Variants in MRPS28 observed in about 807,000 individuals in gnomAD.
MRPS28 encodes the protein mitochondrial ribosomal protein S28, also known as small ribosomal subunit protein bS1m.
Under a neutral mutation model 10.8 loss-of-function variants are expected in MRPS28, and 7 were observed. The observed-to-expected ratio is 0.65, with a 90% CI of 0.37 to 1.22. MRPS28 has a LOEUF of 1.22. Among genes scored for constraint, MRPS28 ranks in the 50% most tolerant of loss-of-function variants. The pLI is 0.02. For missense variants in MRPS28, 265 were observed against 232.9 expected, an observed-to-expected ratio of 1.14 and a Z score of -0.90; for synonymous variants, 121 against 93.3, an observed-to-expected ratio of 1.30 and a Z score of -1.71.
In MRPS28 at chr8:79,980,401, T is replaced by C. The variant is rs575801022; in HGVS notation, c.395+22598A>G. 1.8e-4 allele frequency among the ~76,000 whole-genome samples: 28 copies of C among 152,352 alleles called. No individual in the cohort carries two copies. In the East Asian group the frequency reaches 4.4e-3, roughly 24 times the overall value. On this transcript the variant is annotated intron_variant, in intron 2 of 2. Transcript: ENST00000276585. ...AACAGCTAATAAATGTTGGCTATAATGATTATGACAACATAGCCAACTATG... is the reference window on the plus strand; with the variant it reads ...AACAGCTAATAAATGTTGGCTATAACGATTATGACAACATAGCCAACTATG...
chr8:80,018,872 C>T (rs6473196), intron 1 of MRPS28, among the ~76,000 whole-genome samples: 116,904 of 152,186 alleles, frequency 0.77, 45,442 homozygotes, highest in African/African-American at 0.88. Flanking sequence ...GAGGTCATTA[C>T]GTTACGTGAA....
At chr8:79,982,593 C>T (rs186632025) in intron 2 of MRPS28, among the ~76,000 whole-genome samples, 2 of 152,290 alleles carry the variant, frequency 1.3e-5, no homozygotes, top group Non-Finnish European at 2.9e-5. Context: ...TCTTAAAAAA[C>T]GGCGCACCAG....
At chr8:79,983,331 G>C (rs911495651) in intron 2 of MRPS28, among the ~76,000 whole-genome samples, 6 of 152,190 alleles carry the variant, frequency 3.9e-5, no homozygotes, top group African/African-American at 1.2e-4. Flanking sequence ...GGAAAAAACA[G>C]AGCAGAAAAA....
chr8:80,026,264 T>C (rs1195368195), intron 1 of MRPS28, among the ~76,000 whole-genome samples: 3 of 152,248 alleles, frequency 2.0e-5, no homozygotes, highest in Admixed American at 2.0e-4. Context: ...CAACTCCTCA[T>C]ATTCCTTACC....
At chr8:79,993,333 A>G (rs143433978) in intron 2 of MRPS28, among the ~76,000 whole-genome samples, 89 of 152,316 alleles carry the variant, frequency 5.8e-4, no homozygotes, top group Non-Finnish European at 1.0e-3. Flanking sequence ...CTTCCTAGAG[A>G]TGTAAATTTA....
intron 2 of MRPS28, among the ~76,000 whole-genome samples, chr8:79,930,221 T>A (rs538356952): frequency 6.6e-6 from 1 of 152,354 alleles, no homozygotes; most frequent in South Asian, 2.1e-4. Context: ...GAGGATCACT[T>A]AATTAACTAG....
chr8:79,927,046 A>G (rs1310262483), intron 2 of MRPS28, among the ~76,000 whole-genome samples: 1 of 152,314 alleles, frequency 6.6e-6, no homozygotes, highest in Non-Finnish European at 1.5e-5. Context: ...TCAAGCCTTA[A>G]TTTCCTTACA....
intron 2 of MRPS28, among the ~76,000 whole-genome samples, chr8:79,942,463 CAG>C (rs1806794690): frequency 6.6e-6 from 1 of 152,154 alleles, no homozygotes; most frequent in African/African-American, 2.4e-5. Flanking sequence ...CTCAAAATCT[CAG>C]AATTTTATCC....
At chr8:79,983,808 T>C (rs1006992796) in intron 2 of MRPS28, among the ~76,000 whole-genome samples, 6 of 152,216 alleles carry the variant, frequency 3.9e-5, no homozygotes, top group Admixed American at 2.0e-4. Flanking sequence ...TTGGTGTACC[T>C]GAAAGTGACG....
intron 2 of MRPS28, among the ~76,000 whole-genome samples, chr8:79,972,499 T>C (rs1807661226): frequency 6.6e-6 from 1 of 152,240 alleles, no homozygotes; most frequent in Admixed American, 6.5e-5. Flanking sequence ...CTCTTAGGTA[T>C]ATATGTAGGA....
At chr8:80,020,812 G>C (rs1180759184) in intron 1 of MRPS28, among the ~76,000 whole-genome samples, 1 of 152,090 alleles carries the variant, frequency 6.6e-6, no homozygotes, top group African/African-American at 2.4e-5. Flanking sequence ...TACAGAGCAG[G>C]CCTGAAGGAA....
intron 2 of MRPS28, among the ~76,000 whole-genome samples, chr8:79,923,172 G>T (rs969001057): frequency 6.6e-6 from 1 of 152,060 alleles, no homozygotes. Context: ...GTAATATTTT[G>T]TGTCTTTGTT....
chr8:79,978,190 A>T (rs1340689584), intron 2 of MRPS28, among the ~76,000 whole-genome samples: 1 of 152,238 alleles, frequency 6.6e-6, no homozygotes, highest in Non-Finnish European at 1.5e-5. Flanking sequence ...ATATTACTTG[A>T]TAATACTTAA....
chr8:79,938,944 TGGG>T lies in MRPS28; in HGVS notation c.396-19799_396-19797del, dbSNP rs576376320. ...AAACATTTAACATAAAATCTACAGA[TGGG>T]GGATTCCTTGGATGTGCTGAGCTGG... On this transcript the variant is annotated intron_variant, in intron 2 of 2. Transcript: ENST00000276585. Among the ~76,000 whole-genome samples, 105 of 152,236 alleles carry T rather than the reference TGGG, an allele frequency of 6.9e-4. 1 individual carries two copies. Among genetic ancestry groups the T allele is most frequent in the African/African-American group, 2.4e-3 (99 of 41,526 alleles).
intron 2 of MRPS28, among the ~76,000 whole-genome samples, chr8:79,971,851 C>T (rs762470695): frequency 3.2e-4 from 49 of 152,010 alleles, no homozygotes; most frequent in Admixed American, 3.9e-4. Context: ...GTGGGAGACA[C>T]GCCACCACGT....
At chr8:79,919,910 T>A (rs1810030319) in intron 2 of MRPS28, among the ~76,000 whole-genome samples, 1 of 150,684 alleles carries the variant, frequency 6.6e-6, no homozygotes, top group Non-Finnish European at 1.5e-5. Flanking sequence ...AACTCGTCAT[T>A]TACGTTAGGT....
chr8:80,016,284 TA>T (rs965351317), intron 1 of MRPS28, among the ~76,000 whole-genome samples: 9 of 152,038 alleles, frequency 5.9e-5, no homozygotes, highest in African/African-American at 1.9e-4. Context: ...GAAAAAATTC[TA>T]AAAGAAGCTT....
At chr8:80,007,761 C>G (rs528501379) in intron 1 of MRPS28, among the ~76,000 whole-genome samples, 1 of 151,928 alleles carries the variant, frequency 6.6e-6, no homozygotes. Flanking sequence ...CACTGCTCAA[C>G]GAAATAAAAG....
chr8:79,965,737 T>C (rs566063224), intron 2 of MRPS28, among the ~76,000 whole-genome samples: 1 of 152,200 alleles, frequency 6.6e-6, no homozygotes, highest in Admixed American at 6.5e-5. Flanking sequence ...AAAAAATAAC[T>C]GCTTTGAGAG....
Sources: allele counts gnomAD v4.1 joint callset (sites outside exome capture counted in the v4.1 genomes callset), GRCh38; gene constraint gnomAD v4.1.1; transcripts MANE v1.5; gene names NCBI Gene and HGNC (gene_info 2026-07-23, HGNC 2026-07-21).